SECTM1: variants seen among roughly 807,000 people sequenced by gnomAD.
SECTM1 encodes the protein secreted and transmembrane 1, also known as secreted and transmembrane protein 1.
Under a neutral mutation model 18.1 loss-of-function variants are expected in SECTM1, and 10 were observed. The observed-to-expected ratio is 0.55, with a 90% CI of 0.34 to 0.94. SECTM1 has a LOEUF of 0.94. Among genes scored for constraint, SECTM1 ranks in the 40% least tolerant of loss-of-function variants. The pLI is 0.02. For missense variants in SECTM1, 297 were observed against 322.6 expected, an observed-to-expected ratio of 0.92 and a Z score of 0.61; for synonymous variants, 137 against 139.2, an observed-to-expected ratio of 0.98 and a Z score of 0.11.
chr17:82,324,447 TG>T, intron 3 of SECTM1, 134 bp downstream of exon 3: 2 of 964,720 alleles, frequency 2.1e-6, no homozygotes, highest in Non-Finnish European at 3.0e-6. Context: ...CCCTGTCTCC[TG>T]GCAGCCCGGC....
intron 1 of SECTM1, among the ~76,000 whole-genome samples, chr17:82,331,810 C>T (rs1418930990): frequency 1.3e-5 from 2 of 152,232 alleles, no homozygotes; most frequent in Non-Finnish European, 2.9e-5. Context: ...CACAGGGAGA[C>T]CAGGTACAGG....
Position 82,322,248 on chromosome 17 carries a change from C to A in SECTM1, c.660G>T (p.Pro220=), listed in dbSNP as rs376312258. ...WTPDSEPTPR[P]LALVFKPSPL... ...GTGAGGGTTTGAACACCAGTGCCAG[C>A]GGCCTTGGGGTGGGCTCGGAGTCTG... The change falls in exon 5 of 5, where the codon CCG becomes CCT. Residue 220 remains proline, a synonymous_variant. Transcript: ENST00000269389. 46 of 1,608,556 alleles carry A rather than the reference C, an allele frequency of 2.9e-5. No homozygotes were observed. The highest frequency in any genetic ancestry group is 3.7e-5 in the Non-Finnish European group (43 of 1,176,370).
In SECTM1 at chr17:82,322,134, C is replaced by T. The variant is rs73999858; in HGVS notation, c.*27G>A. On this transcript the variant is annotated 3_prime_UTR_variant, in exon 5 of 5. Coordinates refer to ENST00000269389, the MANE Select transcript of SECTM1 (RefSeq NM_003004.3). ...AAGGTCGGCACTCAGGGCTGGCTCT[C>T]CTGTGTCCTCTCTGCCTTGCAGGCG... is the stretch of plus-strand genomic sequence containing the variant. 408 of 1,612,274 alleles carry T rather than the reference C, an allele frequency of 2.5e-4. 2 individuals are homozygous for T. The African/African-American group carries it at 4.5e-3, about 18-fold the overall frequency.
chr17:82,322,827 C>T (rs758581051), intron 4 of SECTM1, 51 bp downstream of exon 4: 2 of 1,601,354 alleles, frequency 1.2e-6, no homozygotes, highest in Admixed American at 3.4e-5. Flanking sequence ...CCTGGGGCAG[C>T]CCCACCCAAG....
intron 4 of SECTM1, 113 bp from the exon 5 acceptor site, chr17:82,322,483 C>A (rs2052103251): frequency 4.9e-6 from 5 of 1,021,014 alleles, no homozygotes; most frequent in Admixed American, 2.0e-5. Flanking sequence ...ACACCCCCAC[C>A]CCCAGGCACA....
rs560850306 is a variant in SECTM1 at position 82,326,097 on chromosome 17, G to A, written c.94+1050C>T. Among the ~76,000 whole-genome samples, 13 of 152,224 alleles carry A rather than the reference G, an allele frequency of 8.5e-5. No individual in the cohort carries two copies. The highest frequency in any genetic ancestry group is 6.5e-4 in the Admixed American group (10 of 15,286). On this transcript the variant is annotated intron_variant, in intron 2 of 4. Coordinates refer to ENST00000269389, the MANE Select transcript of SECTM1 (RefSeq NM_003004.3). The surrounding 1 kb of genome is among the most constrained non-coding windows in gnomAD (Gnocchi z 4.3). ...CCACTGCACAAATTCACACCGTCCC[G>A]AGGGCAGCGGGCGGCTGTCCAGGGG...
rs985535974 is a variant in SECTM1, at chr17:82,325,318, C to A, written c.95-428G>T. Reference sequence around the variant, plus strand: ...GTGGGAAGCAGTGGCCAGGCCCCACCGCCCCCAGCTCCCTCCTGTTTCTCC... The same window carrying A: ...GTGGGAAGCAGTGGCCAGGCCCCACAGCCCCCAGCTCCCTCCTGTTTCTCC... On this transcript the variant is annotated intron_variant, in intron 2 of 4. Coordinates refer to ENST00000269389, the MANE Select transcript of SECTM1 (RefSeq NM_003004.3). The surrounding 1 kb of genome is among the most constrained non-coding windows in gnomAD (Gnocchi z 7.6). Among the ~76,000 whole-genome samples the A allele has an allele frequency of 1.3e-5, 2 of 152,234 alleles. No individual in the cohort carries two copies. Among genetic ancestry groups the A allele is most frequent in the Non-Finnish European group, 2.9e-5 (2 of 68,036 alleles).
At chr17:82,333,615 T>TCCCCAGCACCGAGTCCCCAGCACCGAGC (rs2052211183) in intron 1 of SECTM1, 85 bp downstream of exon 1, 3 of 154,996 alleles carry the variant, frequency 1.9e-5, no homozygotes, top group Admixed American at 1.4e-4. Flanking sequence ...CAGCACCGAG[T>TCCCCAGCACCGAGTCCCCAGCACCGAGC]CCCCAGCACC....
In SECTM1 at chr17:82,325,108, G is replaced by T. The variant is rs1404390643; in HGVS notation, c.95-218C>A. 6.6e-6 allele frequency among the ~76,000 whole-genome samples: 1 copy of T among 152,212 alleles called. No homozygotes were observed. The highest frequency in any genetic ancestry group is 1.5e-5 in the Non-Finnish European group (1 of 68,030). The stretch of plus-strand genomic sequence containing the variant: ...GGTGGCTCTGTGTGTGTGTATGTGT[G>T]TGTGTGTGCGTGCTCACACCCACGT... On this transcript the variant is annotated intron_variant, in intron 2 of 4. Coordinates refer to ENST00000269389, the MANE Select transcript of SECTM1 (RefSeq NM_003004.3). The surrounding 1 kb of genome is among the most constrained non-coding windows in gnomAD (Gnocchi z 7.6).
At chr17:82,327,075 C>A in intron 2 of SECTM1, 72 bp downstream of exon 2, 6 of 1,214,792 alleles carry the variant, frequency 4.9e-6, no homozygotes, top group Non-Finnish European at 7.1e-6. Context: ...CCTCAGTCCA[C>A]CCCTCCTGCC....
intron 4 of SECTM1, among the ~76,000 whole-genome samples, 160 bp downstream of exon 4, chr17:82,322,718 C>A (rs1234605381): frequency 6.6e-6 from 1 of 152,126 alleles, no homozygotes; most frequent in African/African-American, 2.4e-5. Flanking sequence ...TTGACCATAG[C>A]CGGCTGGGCC....
chr17:82,327,087 C>T lies in SECTM1; in HGVS notation c.94+60G>A. On this transcript the variant is annotated intron_variant, in intron 2 of 4. Coordinates refer to ENST00000269389, the MANE Select transcript of SECTM1 (RefSeq NM_003004.3). ...CAACCTCAGTCCACCCCTCCTGCCC[C>T]TGTCATGCCCCCACCGGGCCCCCCT... is the stretch of plus-strand genomic sequence containing the variant. 2.2e-6 allele frequency: 3 copies of T among 1,348,510 alleles called. No homozygotes were observed. The South Asian group carries it at 3.7e-5, about 17-fold the overall frequency. 83.5% of individuals were successfully genotyped at this position (1,348,510 alleles called of 1,614,324 possible).
intron 4 of SECTM1, among the ~76,000 whole-genome samples, chr17:82,322,612 G>GC (rs2052104622): frequency 6.6e-6 from 1 of 151,360 alleles, no homozygotes; most frequent in African/African-American, 2.4e-5. Context: ...TGGAGACCAC[G>GC]CACCCTGCCA....
chr17:82,326,111 G>A lies in SECTM1; in HGVS notation c.94+1036C>T, dbSNP rs972444929. On this transcript the variant is annotated intron_variant, in intron 2 of 4. Transcript: ENST00000269389. This position sits in a 1 kb window ranked among gnomAD's most constrained non-coding sequence, Gnocchi z 4.3. ...CACACCGTCCCGAGGGCAGCGGGCGGCTGTCCAGGGGGTGCCCCAGCCCAG... is the reference window on the plus strand; with the variant it reads ...CACACCGTCCCGAGGGCAGCGGGCGACTGTCCAGGGGGTGCCCCAGCCCAG... Among the ~76,000 whole-genome samples the A allele has an allele frequency of 6.6e-6, 1 of 152,266 alleles. No homozygotes were observed. Among genetic ancestry groups the A allele is most frequent in the African/African-American group, 2.4e-5 (1 of 41,474 alleles).
chr17:82,331,834 C>T (rs550592083), intron 1 of SECTM1, among the ~76,000 whole-genome samples: 9 of 152,318 alleles, frequency 5.9e-5, no homozygotes, highest in South Asian at 4.1e-4. Flanking sequence ...ACGAGGCGCA[C>T]GGAGCCTCAA....
chr17:82,324,879 G>A lies in SECTM1; in HGVS notation c.106C>T (p.Pro36Ser). The change falls in exon 3 of 5, where the codon CCC (proline) becomes TCC (serine). Residue 36 changes from proline (P) to serine (S), a missense_variant. Coordinates refer to ENST00000269389, the MANE Select transcript of SECTM1 (RefSeq NM_003004.3). ...LSAQNEGWDS[P>S]ICTEGVVSVS... ...GAGACTACCCCCTCTGTGCAGATGG[G>A]GCTGTCCCAGCCTGTAGGGCCAGAC... 1 of 1,610,726 alleles carries A rather than the reference G, an allele frequency of 6.2e-7. No individual in the cohort carries two copies. Among genetic ancestry groups the A allele is most frequent in the Non-Finnish European group, 8.5e-7 (1 of 1,178,120 alleles).
chr17:82,329,949 A>G lies in SECTM1; in HGVS notation c.-52-2657T>C, dbSNP rs1399877585. Among the ~76,000 whole-genome samples the G allele has an allele frequency of 6.6e-6, 1 of 152,158 alleles. No homozygotes were observed. The highest frequency in any genetic ancestry group is 1.9e-4 in the East Asian group (1 of 5,188). The stretch of plus-strand genomic sequence containing the variant: ...ACCCGAGGCTTCATCCCATCTGCAT[A>G]GTCTCTTTGCCATGTCAGGTTCTGG... On this transcript the variant is annotated intron_variant, in intron 1 of 4. Coordinates refer to ENST00000269389, the MANE Select transcript of SECTM1 (RefSeq NM_003004.3). This position sits in a 1 kb window ranked among gnomAD's most constrained non-coding sequence, Gnocchi z 7.6.
chr17:82,327,019 C>A, intron 2 of SECTM1, 128 bp downstream of exon 2: 1 of 708,678 alleles, frequency 1.4e-6, no homozygotes. Context: ...GGCCCTGGGT[C>A]TGCAGAGTCA....
At chr17:82,327,348 C>T (rs943387790) in intron 1 of SECTM1, 56 bp from the exon 2 acceptor site, 20 of 1,026,144 alleles carry the variant, frequency 1.9e-5, no homozygotes, top group Middle Eastern at 4.2e-4. Flanking sequence ...AAGGGGACAG[C>T]GGGAGCGGCT....
Sources: allele counts gnomAD v4.1 joint callset (sites outside exome capture counted in the v4.1 genomes callset), GRCh38; gene constraint gnomAD v4.1.1; non-coding constraint Gnocchi (gnomAD v3.1); transcripts MANE v1.5; gene names NCBI Gene and HGNC (gene_info 2026-07-23, HGNC 2026-07-21).